Variants in AUTS2 observed in about 807,000 individuals in gnomAD.
AUTS2 encodes activator of transcription and developmental regulator AUTS2.
A neutral mutation model predicts 112.4 loss-of-function variants in AUTS2; 17 were observed. The ratio of observed to expected loss-of-function variants is 0.15; its 90% CI spans 0.10 to 0.23. The LOEUF (loss-of-function observed/expected upper bound fraction) is 0.23. Ranked by LOEUF, AUTS2 falls within the 10% of genes least tolerant of loss-of-function variation. The pLI is 1.00. For synonymous variants in AUTS2, 751 were observed against 702.7 expected, an observed-to-expected ratio of 1.07 and a Z score of -1.09; for missense variants, 1,510 against 1,701.6, an observed-to-expected ratio of 0.89 and a Z score of 1.98.
At chr7:70,104,721 A>G (rs149206814) in intron 2 of AUTS2, among the ~76,000 whole-genome samples, 1 of 152,334 alleles carries the variant, frequency 6.6e-6, no homozygotes, top group East Asian at 1.9e-4. Context: ...TTTGGAGTTT[A>G]GGGAATTTGG....
At chr7:69,652,610 G>C (rs1041874720) in intron 1 of AUTS2, among the ~76,000 whole-genome samples, 1 of 151,954 alleles carries the variant, frequency 6.6e-6, no homozygotes, top group Admixed American at 6.6e-5. Context: ...CCATTTTTCT[G>C]AAGCAAAATA....
chr7:69,659,805 A>G (rs1440401611), intron 1 of AUTS2, among the ~76,000 whole-genome samples: 1 of 151,878 alleles, frequency 6.6e-6, no homozygotes, highest in Non-Finnish European at 1.5e-5. Context: ...GCCATACTTC[A>G]CCATTTTGTG....
At chr7:69,632,303 G>A (rs937775220) in intron 1 of AUTS2, among the ~76,000 whole-genome samples, 1 of 152,074 alleles carries the variant, frequency 6.6e-6, no homozygotes, top group Non-Finnish European at 1.5e-5. Flanking sequence ...GGTCTTTATA[G>A]CTTTGCCATT....
chr7:70,578,527 A>G (rs1802278846), intron 5 of AUTS2, among the ~76,000 whole-genome samples: 1 of 152,232 alleles, frequency 6.6e-6, no homozygotes, highest in African/African-American at 2.4e-5. Context: ...TGCTGAAGTA[A>G]TTATTTTTCT....
At chr7:69,946,835 C>T (rs900883148) in intron 2 of AUTS2, among the ~76,000 whole-genome samples, 2 of 152,040 alleles carry the variant, frequency 1.3e-5, no homozygotes, top group East Asian at 1.9e-4. Flanking sequence ...ATAGAAGCAA[C>T]GTGTGTTTTG....
intron 4 of AUTS2, among the ~76,000 whole-genome samples, chr7:70,365,817 GT>G (rs1207912795): frequency 6.6e-6 from 1 of 152,236 alleles, no homozygotes; most frequent in African/African-American, 2.4e-5. Flanking sequence ...AACTATCATA[GT>G]TTTAATGACC....
intron 4 of AUTS2, among the ~76,000 whole-genome samples, chr7:70,323,599 C>A (rs902555308): frequency 6.6e-6 from 1 of 152,166 alleles, no homozygotes; most frequent in East Asian, 1.9e-4. Flanking sequence ...ATAATCACTT[C>A]TGTTGTTTGG....
chr7:70,559,775 T>C (rs796513160), intron 5 of AUTS2, among the ~76,000 whole-genome samples: 2 of 152,322 alleles, frequency 1.3e-5, no homozygotes, highest in African/African-American at 4.8e-5. Flanking sequence ...CCTAACCTCC[T>C]TACCTCCAGT....
intron 1 of AUTS2, among the ~76,000 whole-genome samples, chr7:69,672,777 G>T (rs1452667440): frequency 1.3e-5 from 2 of 152,218 alleles, no homozygotes; most frequent in Admixed American, 6.5e-5. Context: ...TGAGAGTTCA[G>T]TGTCTTCCCT....
At chr7:70,248,065 A>C (rs1467508000) in intron 4 of AUTS2, among the ~76,000 whole-genome samples, 1 of 152,180 alleles carries the variant, frequency 6.6e-6, no homozygotes, top group Non-Finnish European at 1.5e-5. Context: ...CGGGGGTTAA[A>C]CACAAATTGA....
At chr7:69,859,138 G>A (rs770107292) in intron 1 of AUTS2, among the ~76,000 whole-genome samples, 11 of 152,188 alleles carry the variant, frequency 7.2e-5, no homozygotes, top group Non-Finnish European at 1.5e-4. Flanking sequence ...ATTAACCACT[G>A]TATAAGATTT....
intron 2 of AUTS2, among the ~76,000 whole-genome samples, chr7:69,954,682 C>A (rs1797150398): frequency 6.6e-6 from 1 of 152,188 alleles, no homozygotes; most frequent in Non-Finnish European, 1.5e-5. Flanking sequence ...TTATTTTGTA[C>A]ATGGGAAAAG....
chr7:70,044,088 T>C (rs1801392892), intron 2 of AUTS2, among the ~76,000 whole-genome samples: 1 of 152,128 alleles, frequency 6.6e-6, no homozygotes, highest in Non-Finnish European at 1.5e-5. Context: ...CCCTCCCTCC[T>C]TTCCTCTCAT....
At chr7:70,746,627 G>A (rs927032206) in intron 6 of AUTS2, among the ~76,000 whole-genome samples, 6 of 152,198 alleles carry the variant, frequency 3.9e-5, no homozygotes, top group Non-Finnish European at 7.3e-5. Context: ...GGTTAACCGT[G>A]AGGCTGAAAG....
At chr7:70,669,911 C>T (rs1807548456) in intron 5 of AUTS2, among the ~76,000 whole-genome samples, 1 of 152,142 alleles carries the variant, frequency 6.6e-6, no homozygotes, top group South Asian at 2.1e-4. Context: ...AGCGAAGGAG[C>T]CAGGGTTAAA....
intron 1 of AUTS2, among the ~76,000 whole-genome samples, chr7:69,827,494 A>C (rs374450954): frequency 6.6e-6 from 1 of 152,164 alleles, no homozygotes; most frequent in African/African-American, 2.4e-5. Context: ...AGATGGCTGC[A>C]GTATATTCTT....
chr7:70,761,873 C>T (rs1585643581), intron 6 of AUTS2, among the ~76,000 whole-genome samples: 1 of 152,146 alleles, frequency 6.6e-6, no homozygotes, highest in South Asian at 2.1e-4. Flanking sequence ...AGTGGGGAAC[C>T]CCATGTGGTC....
intron 1 of AUTS2, among the ~76,000 whole-genome samples, chr7:69,845,229 C>CT (rs1792145098): frequency 6.6e-6 from 1 of 152,154 alleles, no homozygotes; most frequent in African/African-American, 2.4e-5. Context: ...TTCCTGGTAC[C>CT]TTTTTCCTCC....
At chr7:70,203,158 C>G (rs1201164023) in intron 4 of AUTS2, among the ~76,000 whole-genome samples, 1 of 124,280 alleles carries the variant, frequency 8.0e-6, no homozygotes, top group Non-Finnish European at 1.6e-5. Context: ...ATCACATGGA[C>G]ACAGGAAGGG....
Sources: allele counts gnomAD v4.1 joint callset (sites outside exome capture counted in the v4.1 genomes callset), GRCh38; gene constraint gnomAD v4.1.1; transcripts MANE v1.5; gene names NCBI Gene and HGNC (gene_info 2026-07-23, HGNC 2026-07-21).